The following DAPP1 variants were observed in gnomAD, a reference collection of about 807,000 sequenced individuals.
The protein encoded by DAPP1 is dual adaptor of phosphotyrosine and 3-phosphoinositides 1.
A neutral mutation model predicts 41.5 loss-of-function variants in DAPP1; 20 were observed. The observed-to-expected ratio is 0.48, with a 90% CI of 0.34 to 0.70. DAPP1 has a LOEUF of 0.70. Ranked by LOEUF, DAPP1 falls within the 30% of genes least tolerant of loss-of-function variation. DAPP1 has a pLI of 0.01. For missense variants in DAPP1, 233 were observed against 333.4 expected (o/e 0.70, Z 2.35); for synonymous variants, 113 against 116.2 (o/e 0.97, Z 0.18).
chr4:99,860,878 A>G (rs1290275964), intron 4 of DAPP1, among the ~76,000 whole-genome samples: 2 of 152,224 alleles, frequency 1.3e-5, no homozygotes, highest in African/African-American at 4.8e-5. Context: ...TGTTCACACA[A>G]TTCTCCACCC....
intron 1 of DAPP1, among the ~76,000 whole-genome samples, chr4:99,834,616 G>A (rs1050150739): frequency 1.3e-5 from 2 of 152,068 alleles, no homozygotes; most frequent in African/African-American, 4.8e-5. Context: ...TACCACACTT[G>A]AAAAAGAGTG....
chr4:99,847,011 C>T (rs1723687398), intron 3 of DAPP1, among the ~76,000 whole-genome samples: 1 of 152,198 alleles, frequency 6.6e-6, no homozygotes, highest in South Asian at 2.1e-4. Flanking sequence ...ATGCCAGTTG[C>T]AGAGCTTATT....
At chr4:99,835,586 T>G (rs879521487) in intron 1 of DAPP1, 37 bp from the exon 2 acceptor site, 59 of 1,606,850 alleles carry the variant, frequency 3.7e-5, no homozygotes, top group Non-Finnish European at 5.0e-5. Context: ...CATGCCATGG[T>G]TTGGCCTGAG....
At position 99,816,889 on chromosome 4, in the gene DAPP1, C is replaced by G; in HGVS notation, c.-25C>G. 1.3e-6 allele frequency: 2 copies of G among 1,586,794 alleles called. No individual in the cohort carries two copies. Among genetic ancestry groups the G allele is most frequent in the Non-Finnish European group, 1.7e-6 (2 of 1,166,134 alleles). On this transcript the variant is annotated 5_prime_UTR_variant, in exon 1 of 9. Coordinates refer to ENST00000512369, the MANE Select transcript of DAPP1 (RefSeq NM_014395.3). ...TCAGGAGCAGCCCAGTTGTGTCTCT[C>G]TCTCTACCTCTGTGAAGGGCGCGAA...
chr4:99,836,724 G>C (rs905731570), intron 2 of DAPP1, among the ~76,000 whole-genome samples: 5 of 152,162 alleles, frequency 3.3e-5, no homozygotes, highest in African/African-American at 1.2e-4. Context: ...TGGGCTCTGG[G>C]CCTTGCTTCT....
At chr4:99,846,144 A>T (rs1245983098) in intron 3 of DAPP1, among the ~76,000 whole-genome samples, 1 of 152,108 alleles carries the variant, frequency 6.6e-6, no homozygotes, top group Non-Finnish European at 1.5e-5. Flanking sequence ...GGGAAGCAAA[A>T]ACTCACATCT....
chr4:99,847,249 G>C (rs1723695521), intron 3 of DAPP1, among the ~76,000 whole-genome samples: 1 of 152,144 alleles, frequency 6.6e-6, no homozygotes, highest in South Asian at 2.1e-4. Context: ...TTTTTCTTTA[G>C]GAGTTTTGTG....
chr4:99,871,575 A>ACTT (rs896164077), downstream of DAPP1, among the ~76,000 whole-genome samples: 57 of 152,232 alleles, frequency 3.7e-4, no homozygotes, highest in African/African-American at 1.4e-3. Flanking sequence ...GTTTTTCAAC[A>ACTT]CTTAAAACTG....
chr4:99,827,787 G>A (rs550701893), intron 1 of DAPP1, among the ~76,000 whole-genome samples: 1 of 152,132 alleles, frequency 6.6e-6, no homozygotes, highest in Non-Finnish European at 1.5e-5. Flanking sequence ...AGTTTGAAAG[G>A]TTTTCAGATG....
intron 3 of DAPP1, among the ~76,000 whole-genome samples, chr4:99,849,175 A>G (rs1349572782): frequency 2.0e-5 from 3 of 152,216 alleles, no homozygotes; most frequent in Non-Finnish European, 2.9e-5. Flanking sequence ...GGTTGACTCA[A>G]TGCCATTTTC....
At chr4:99,865,947 ATATAT>A (rs1335779967) in intron 7 of DAPP1, 82 bp from the exon 8 acceptor site, 9 of 76,812 alleles carry the variant, frequency 1.2e-4, no homozygotes, top group African/African-American at 1.9e-4. Flanking sequence ...ATATTATATT[ATATAT>A]TATATTATAT....
In DAPP1 at chr4:99,870,144, G is replaced by T. The variant is rs528649283; in HGVS notation, c.*1959G>T. On this transcript the variant is annotated 3_prime_UTR_variant, in exon 9 of 9. Transcript: ENST00000512369. The stretch of plus-strand genomic sequence containing the variant: ...TAAAAAGCATGATTTTGCTGTGCAT[G>T]TACCATTTTGCTATTAAAATTTATT... The T allele has an allele frequency of 5.3e-5, 8 of 152,108 alleles. No individual in the cohort carries two copies. The Middle Eastern group carries it at 0.014, about 259-fold the overall frequency. 9.4% of individuals were successfully genotyped at this position (152,108 alleles called of 1,614,324 possible).
chr4:99,837,335 C>T (rs1367301693), intron 2 of DAPP1, among the ~76,000 whole-genome samples: 1 of 152,160 alleles, frequency 6.6e-6, no homozygotes, highest in East Asian at 1.9e-4. Flanking sequence ...AGAATGCTGC[C>T]TGCCACAACT....
intron 3 of DAPP1, among the ~76,000 whole-genome samples, chr4:99,843,659 G>A (rs1723570347): frequency 6.6e-6 from 1 of 152,176 alleles, no homozygotes; most frequent in Non-Finnish European, 1.5e-5. Flanking sequence ...CCAAGTACAT[G>A]ATAGAGATAT....
At chr4:99,829,836 G>C (rs2110138540) in intron 1 of DAPP1, among the ~76,000 whole-genome samples, 1 of 152,074 alleles carries the variant, frequency 6.6e-6, no homozygotes, top group African/African-American at 2.4e-5. Flanking sequence ...CAAAAATATA[G>C]AGAAAAAAAT....
chr4:99,824,686 A>T (rs1722880839), intron 1 of DAPP1, among the ~76,000 whole-genome samples: 1 of 152,310 alleles, frequency 6.6e-6, no homozygotes, highest in South Asian at 2.1e-4. Flanking sequence ...TTTGTGAGGG[A>T]TAAGTTACAA....
At chr4:99,829,790 A>T (rs1723059419) in intron 1 of DAPP1, among the ~76,000 whole-genome samples, 1 of 152,120 alleles carries the variant, frequency 6.6e-6, no homozygotes, top group Non-Finnish European at 1.5e-5. Flanking sequence ...TATATTATTA[A>T]ATTATTACAT....
intron 8 of DAPP1, 24 bp from the exon 9 acceptor site, chr4:99,868,093 A>T: frequency 6.3e-7 from 1 of 1,594,934 alleles, no homozygotes; most frequent in Non-Finnish European, 8.6e-7. Context: ...AATAATGGAT[A>T]CACGTGTGTG....
At chr4:99,872,050 A>C (rs1341854511), downstream of DAPP1, among the ~76,000 whole-genome samples, 1 of 152,268 alleles carries the variant, frequency 6.6e-6, no homozygotes, top group Non-Finnish European at 1.5e-5. Flanking sequence ...AAAGAAAAAA[A>C]AATGGCAGAT....
Sources: allele counts gnomAD v4.1 joint callset (sites outside exome capture counted in the v4.1 genomes callset), GRCh38; gene constraint gnomAD v4.1.1; transcripts MANE v1.5; gene names NCBI Gene and HGNC (gene_info 2026-07-23, HGNC 2026-07-21).